POLR3G: variants seen among roughly 807,000 people sequenced by gnomAD.
POLR3G encodes the protein RNA polymerase III subunit G.
Under a neutral mutation model 30.1 loss-of-function variants are expected in POLR3G, and 28 were observed. The ratio of observed to expected loss-of-function variants is 0.93; its 90% CI spans 0.69 to 1.27. The LOEUF is 1.27. Ranked by LOEUF, POLR3G falls within the 50% of genes most tolerant of loss-of-function variation. The pLI is 0.00. For synonymous variants in POLR3G, 79 were observed against 82.5 expected, an observed-to-expected ratio of 0.96 and a Z score of 0.23; for missense variants, 254 against 264.6, an observed-to-expected ratio of 0.96 and a Z score of 0.28.
chr5:90,488,577 C>CTGGTAG (rs1427597973), intron 3 of POLR3G, among the ~76,000 whole-genome samples: 2 of 152,008 alleles, frequency 1.3e-5, no homozygotes, highest in Non-Finnish European at 2.9e-5. Flanking sequence ...CTTTTAATGA[C>CTGGTAG]TGGTAGTCTA....
intron 4 of POLR3G, 82 bp downstream of exon 4, chr5:90,495,815 C>A: frequency 3.4e-6 from 5 of 1,461,894 alleles, no homozygotes; most frequent in South Asian, 2.9e-5. Flanking sequence ...AATAAGTTTT[C>A]TATTTTTACC....
intron 1 of POLR3G, among the ~76,000 whole-genome samples, chr5:90,476,051 T>G (rs775708481): frequency 1.8e-4 from 27 of 152,206 alleles, no homozygotes; most frequent in Non-Finnish European, 5.9e-5. Flanking sequence ...CTTGAGAACT[T>G]AACTAACCTC....
At position 90,488,106 on chromosome 5, in the gene POLR3G, T is replaced by C. The variant is rs1383474999; in HGVS notation, c.224T>C (p.Ile75Thr). 2 of 1,610,952 alleles carry C rather than the reference T, an allele frequency of 1.2e-6. No individual in the cohort carries two copies. Among genetic ancestry groups the C allele is most frequent in the African/African-American group, 2.7e-5 (2 of 74,930 alleles). ...ACAATGAAAAGAATGCCTTATTTTA[T>C]TGAAACACCTGAAGAAAGACAAGGT... The part of the protein sequence containing the change: ...RETMKRMPYF[I>T]ETPEERQDIE... Residue 75 changes from isoleucine to threonine, a missense_variant, in exon 3 of 8, where the codon ATT becomes ACT. Transcript: ENST00000651687.
At chr5:90,486,946 A>G (rs1751466398) in intron 2 of POLR3G, among the ~76,000 whole-genome samples, 1 of 152,202 alleles carries the variant, frequency 6.6e-6, no homozygotes, top group African/African-American at 2.4e-5. Flanking sequence ...TTCCTAATCA[A>G]ATTTTGAAAA....
Position 90,501,948 on chromosome 5 carries a change from C to T in POLR3G, c.398C>T (p.Thr133Ile). 2.5e-6 allele frequency: 4 copies of T among 1,613,510 alleles called. No individual in the cohort carries two copies. Among genetic ancestry groups the T allele is most frequent in the Non-Finnish European group, 2.5e-6 (3 of 1,179,652 alleles). ...PKKAKDAGKGTPLTNTEDVLK... is the reference protein window; with the variant it reads ...PKKAKDAGKGIPLTNTEDVLK... ...AAGGCAAAAGACGCAGGCAAAGGCA[C>T]ACCACTCACTAATACTGAAGATGTG... The change falls in exon 6 of 8, where the codon ACA (threonine) becomes ATA (isoleucine). Residue 133 changes from threonine (T) to isoleucine (I), a missense_variant. Physicochemically the swap from Thr to Ile is moderately conservative, Grantham distance 89. Coordinates refer to ENST00000651687, the MANE Select transcript of POLR3G (RefSeq NM_006467.3).
In POLR3G at chr5:90,488,000, G is replaced by T. The variant is rs768649611; in HGVS notation, c.118G>T (p.Asp40Tyr). 6.3e-7 allele frequency: 1 copy of T among 1,583,762 alleles called. No homozygotes were observed. Among genetic ancestry groups the T allele is most frequent in the Non-Finnish European group, 8.6e-7 (1 of 1,168,686 alleles). ...AATCTTTGTCTCTTAATTTAAACAG[G>T]ATACAGATTATAAACCAGTGCCACT... ...VVLKPPPLFP[D>Y]TDYKPVPLKT... Residue 40 changes from aspartate (D) to tyrosine (Y), a missense_variant and splice_region_variant, in exon 3 of 8, where the codon GAT (aspartate) becomes TAT (tyrosine). Physicochemically the swap from Asp to Tyr is radical, Grantham distance 160. Coordinates refer to ENST00000651687, the MANE Select transcript of POLR3G (RefSeq NM_006467.3).
chr5:90,488,454 A>G (rs182727303), intron 3 of POLR3G, among the ~76,000 whole-genome samples: 41 of 152,216 alleles, frequency 2.7e-4, no homozygotes, highest in African/African-American at 9.6e-4. Context: ...ATTTTTTCTT[A>G]TGCATGTATA....
upstream of POLR3G, chr5:90,474,716 C>G (rs1272351143): frequency 4.9e-6 from 1 of 204,376 alleles, no homozygotes; most frequent in Non-Finnish European, 9.9e-6. Context: ...CCCACTGGCT[C>G]TGCAGGGCGC....
chr5:90,480,375 A>G (rs1267919328), intron 1 of POLR3G, among the ~76,000 whole-genome samples: 2 of 152,200 alleles, frequency 1.3e-5, no homozygotes, highest in African/African-American at 4.8e-5. Flanking sequence ...CATGAAAACT[A>G]ACTTAAAGAG....
rs969182214 is a variant in POLR3G at position 90,483,540 on chromosome 5, C to T, written c.-43-1985C>T. Among the ~76,000 whole-genome samples the T allele has an allele frequency of 2.0e-5, 3 of 152,126 alleles. No individual in the cohort carries two copies. In the South Asian group the frequency reaches 6.2e-4, roughly 32 times the overall value. On this transcript the variant is annotated intron_variant, in intron 1 of 7. Coordinates refer to ENST00000651687, the MANE Select transcript of POLR3G (RefSeq NM_006467.3). ...GTGCCATTGGCCGGGCACGGTGGCT[C>T]ATGCCTATAATCCTAGCACTTTGGA...
chr5:90,497,737 T>C, intron 5 of POLR3G, 31 bp downstream of exon 5: 1 of 1,576,524 alleles, frequency 6.3e-7, no homozygotes, highest in Non-Finnish European at 8.6e-7. Context: ...GTAATTCAGG[T>C]AGGAAAAGGT....
intron 3 of POLR3G, among the ~76,000 whole-genome samples, chr5:90,494,885 G>A (rs927960224): frequency 1.1e-4 from 16 of 151,658 alleles, no homozygotes; most frequent in Non-Finnish European, 1.9e-4. Context: ...GTTTTTTTCC[G>A]GTATACTGAG....
chr5:90,481,782 T>G (rs990626450), intron 1 of POLR3G, among the ~76,000 whole-genome samples: 2 of 152,214 alleles, frequency 1.3e-5, no homozygotes, highest in African/African-American at 4.8e-5. Flanking sequence ...CTAAGAAATG[T>G]GAATGTTAGT....
intron 5 of POLR3G, 136 bp downstream of exon 5, chr5:90,497,842 A>C: frequency 3.3e-4 from 354 of 1,069,380 alleles, no homozygotes; most frequent in East Asian, 1.1e-3. Flanking sequence ...AAGGGATCTC[A>C]TGCCTGTAAT....
At chr5:90,480,680 G>A (rs549909876) in intron 1 of POLR3G, among the ~76,000 whole-genome samples, 110 of 152,266 alleles carry the variant, frequency 7.2e-4, no homozygotes, top group African/African-American at 2.5e-3. Flanking sequence ...AGGACTCTAT[G>A]TTTAGCAGGT....
intron 5 of POLR3G, among the ~76,000 whole-genome samples, chr5:90,499,497 C>A (rs2151911164): frequency 6.6e-6 from 1 of 152,268 alleles, no homozygotes; most frequent in Admixed American, 6.5e-5. Context: ...TTGAAAGATT[C>A]ACTGAGGTAG....
At chr5:90,493,764 G>A (rs1751855293) in intron 3 of POLR3G, among the ~76,000 whole-genome samples, 1 of 122,736 alleles carries the variant, frequency 8.1e-6, no homozygotes. Flanking sequence ...CTGGAATGCA[G>A]TGGCATTATC....
upstream of POLR3G, chr5:90,474,400 G>A (rs1750662743): frequency 9.7e-7 from 1 of 1,027,972 alleles, no homozygotes; most frequent in Non-Finnish European, 1.5e-6. Flanking sequence ...CCTGCAGCCA[G>A]GGAGGAGGCG....
rs572603161 is a variant in POLR3G, at chr5:90,514,102, G to C, written c.*1963G>C. 1 of 152,198 alleles carries C rather than the reference G, an allele frequency of 6.6e-6. No homozygotes were observed. 9.4% of individuals were successfully genotyped at this position (152,198 alleles called of 1,614,324 possible). On this transcript the variant is annotated 3_prime_UTR_variant, in exon 8 of 8. Coordinates refer to ENST00000651687, the MANE Select transcript of POLR3G (RefSeq NM_006467.3). ...GCAAGGATTTACTCTGGGAGGTACC[G>C]TTAAGAGCCTTCTTTCCCCCTTTGA... is the stretch of plus-strand genomic sequence containing the variant.
Sources: allele counts gnomAD v4.1 joint callset (sites outside exome capture counted in the v4.1 genomes callset), GRCh38; gene constraint gnomAD v4.1.1; transcripts MANE v1.5; gene names NCBI Gene and HGNC (gene_info 2026-07-23, HGNC 2026-07-21).